The following NEGR1 variants were observed in gnomAD, a reference collection of about 807,000 sequenced individuals.
NEGR1 encodes the protein IgLON family member 4.
In NEGR1, 10 loss-of-function variants were observed where a neutral mutation model predicts 40.9. That is an observed-to-expected ratio of 0.24 (90% CI 0.15 to 0.42). The LOEUF (loss-of-function observed/expected upper bound fraction) is 0.42, where lower values mean the gene tolerates loss of function less well. NEGR1 is among the 10% of genes least tolerant of loss of function. The pLI is 1.00. For synonymous variants in NEGR1, 185 were observed against 166.8 expected (o/e 1.11, Z -0.84); for missense variants, 352 against 438.9 (o/e 0.80, Z 1.77).
chr1:72,181,411 C>T (rs926487688), intron 1 of NEGR1, among the ~76,000 whole-genome samples: 4 of 152,026 alleles, frequency 2.6e-5, no homozygotes, highest in African/African-American at 7.2e-5. Context: ...TATAGCTGCT[C>T]ACACCTAGTG....
chr1:71,688,351 T>TATATATAAA (rs1653119178), intron 4 of NEGR1, among the ~76,000 whole-genome samples: 1 of 50,252 alleles, frequency 2.0e-5, no homozygotes, highest in African/African-American at 6.4e-5. Flanking sequence ...GATAGATAGA[T>TATATATAAA]AGATTATATA....
rs372011240 is a variant in NEGR1, at chr1:71,924,888, CT to C, written c.409+10190del. Among the ~76,000 whole-genome samples the C allele has an allele frequency of 4.5e-3, 659 of 146,526 alleles. 5 individuals are homozygous for C. The highest frequency in any genetic ancestry group is 0.018 in the South Asian group (82 of 4,626). On this transcript the variant is annotated intron_variant, in intron 2 of 6. Coordinates refer to ENST00000357731, the MANE Select transcript of NEGR1 (RefSeq NM_173808.3). Reference sequence around the variant, plus strand: ...CTAAGTCATGAATGTCTAACTAATCCTTTTTTTTTTTCTTATTATGTCAGCA... The same window carrying C: ...CTAAGTCATGAATGTCTAACTAATCCTTTTTTTTTTCTTATTATGTCAGCA...
At chr1:72,154,556 T>C (rs1049866581) in intron 1 of NEGR1, among the ~76,000 whole-genome samples, 2 of 151,992 alleles carry the variant, frequency 1.3e-5, no homozygotes, top group African/African-American at 2.4e-5. Context: ...ACTCACCAAA[T>C]AGGAAATATT....
intron 1 of NEGR1, among the ~76,000 whole-genome samples, chr1:71,943,159 CTT>C (rs199995854): frequency 0.12 from 17,657 of 146,374 alleles, 1,107 homozygotes; most frequent in South Asian, 0.18. Flanking sequence ...ATAAAACAAA[CTT>C]AACTATACAT....
chr1:72,009,568 A>T (rs1259371146), intron 1 of NEGR1, among the ~76,000 whole-genome samples: 1 of 152,110 alleles, frequency 6.6e-6, no homozygotes, highest in East Asian at 1.9e-4. Context: ...CAAAGACCCT[A>T]CCTACTATCA....
intron 6 of NEGR1, among the ~76,000 whole-genome samples, chr1:71,555,154 C>T (rs997496941): frequency 2.0e-5 from 3 of 151,546 alleles, no homozygotes; most frequent in Non-Finnish European, 3.0e-5. Context: ...TGCCATGAAT[C>T]CCCCTCACTC....
chr1:72,081,219 T>C (rs1647982448), intron 1 of NEGR1, among the ~76,000 whole-genome samples: 1 of 152,046 alleles, frequency 6.6e-6, no homozygotes. Context: ...CAGTACATCC[T>C]AGAGAAATCA....
chr1:71,440,791 T>G (rs1231223758), intron 6 of NEGR1, among the ~76,000 whole-genome samples: 3 of 152,230 alleles, frequency 2.0e-5, no homozygotes, highest in Non-Finnish European at 4.4e-5. Context: ...TCATTGAAAT[T>G]AAAATTGTCA....
intron 2 of NEGR1, among the ~76,000 whole-genome samples, chr1:71,899,054 A>G (rs1765609): frequency 0.24 from 30,813 of 127,274 alleles, 4,212 homozygotes; most frequent in East Asian, 0.53. Context: ...GTGTGTGTGT[A>G]TGCCTAGGAC....
intron 3 of NEGR1, among the ~76,000 whole-genome samples, chr1:71,739,523 TA>T (rs57763111): frequency 0.039 from 5,388 of 138,602 alleles, 258 homozygotes; most frequent in African/African-American, 0.11. Flanking sequence ...AACAAAAAAC[TA>T]AAAAAAAAAA....
intron 1 of NEGR1, among the ~76,000 whole-genome samples, chr1:72,076,726 G>A (rs978396044): frequency 2.0e-5 from 3 of 151,790 alleles, no homozygotes; most frequent in East Asian, 1.9e-4. Flanking sequence ...GTGCACACGC[G>A]CACACACACA....
intron 1 of NEGR1, among the ~76,000 whole-genome samples, chr1:72,208,975 C>T (rs1247169710): frequency 6.6e-6 from 1 of 151,568 alleles, no homozygotes; most frequent in Non-Finnish European, 1.5e-5. Context: ...TTGCTTGTCT[C>T]TTCTTTTCTA....
chr1:71,966,845 A>G (rs1224965278), intron 1 of NEGR1, among the ~76,000 whole-genome samples: 1 of 152,190 alleles, frequency 6.6e-6, no homozygotes, highest in East Asian at 1.9e-4. Flanking sequence ...TAAAAGTAAC[A>G]TACGGTTTGA....
chr1:71,764,778 T>G (rs1656064230), intron 3 of NEGR1, among the ~76,000 whole-genome samples: 1 of 152,218 alleles, frequency 6.6e-6, no homozygotes, highest in South Asian at 2.1e-4. Context: ...TATTCTATGG[T>G]CACTTTGCAT....
chr1:71,755,098 A>T (rs1353855351), intron 3 of NEGR1, among the ~76,000 whole-genome samples: 2 of 152,174 alleles, frequency 1.3e-5, no homozygotes, highest in Non-Finnish European at 2.9e-5. Flanking sequence ...CAAAACAGAA[A>T]TTCTGATTTT....
Position 72,190,989 on chromosome 1 carries a change from C to T in NEGR1, c.176+91330G>A, listed in dbSNP as rs1279155752. Among the ~76,000 whole-genome samples, 4 of 151,472 alleles carry T rather than the reference C, an allele frequency of 2.6e-5. No homozygotes were observed. The South Asian group carries it at 8.3e-4, about 31-fold the overall frequency. ...TTTGTCATTTTGCTGGTTTTTGACACTCTGAACCATGTGTAAACAGTGGCT... is the reference window on the plus strand; with the variant it reads ...TTTGTCATTTTGCTGGTTTTTGACATTCTGAACCATGTGTAAACAGTGGCT... On this transcript the variant is annotated intron_variant, in intron 1 of 6. Coordinates refer to ENST00000357731, the MANE Select transcript of NEGR1 (RefSeq NM_173808.3).
chr1:71,734,229 G>A (rs1318750138), intron 3 of NEGR1, among the ~76,000 whole-genome samples: 3 of 152,134 alleles, frequency 2.0e-5, no homozygotes, highest in African/African-American at 7.2e-5. Context: ...AGTAAGACCC[G>A]CAGAATGGTT....
chr1:71,776,325 G>GA lies in NEGR1; in HGVS notation c.410-29dup, dbSNP rs766837314. 77 of 1,440,032 alleles carry GA rather than the reference G, an allele frequency of 5.3e-5. 1 individual carries two copies. The South Asian group carries it at 7.4e-4, about 14-fold the overall frequency. The allele number at this position is 1,440,032 out of a possible 1,614,324, so 89.2% of individuals were successfully genotyped here. ...GAAATGACAAAATACGCAGTGATTA[G>GA]AAAAAAATATATAAAGTTTTGTTGA... is the stretch of plus-strand genomic sequence containing the variant. On this transcript the variant is annotated intron_variant, in intron 2 of 6. Coordinates refer to ENST00000357731, the MANE Select transcript of NEGR1 (RefSeq NM_173808.3).
chr1:71,679,192 G>A (rs1652745184), intron 4 of NEGR1, among the ~76,000 whole-genome samples: 2 of 151,968 alleles, frequency 1.3e-5, no homozygotes, highest in Admixed American at 1.3e-4. Flanking sequence ...GTCTATCCAT[G>A]CTTCTTTAGG....
Sources: allele counts gnomAD v4.1 joint callset (sites outside exome capture counted in the v4.1 genomes callset), GRCh38; gene constraint gnomAD v4.1.1; transcripts MANE v1.5; gene names NCBI Gene and HGNC (gene_info 2026-07-23, HGNC 2026-07-21).